GRIP1: variants seen among roughly 807,000 people sequenced by gnomAD.
The protein encoded by GRIP1 is glutamate receptor interacting protein 1.
In GRIP1, 45 loss-of-function variants were observed where a neutral mutation model predicts 129.9. The observed-to-expected ratio is 0.35, with a 90% CI of 0.27 to 0.44. The LOEUF (loss-of-function observed/expected upper bound fraction) is 0.44. Among genes scored for constraint, GRIP1 ranks in the 20% least tolerant of loss-of-function variants. GRIP1 has a pLI of 1.00. For missense variants in GRIP1, 1,196 were observed against 1,396.8 expected (o/e 0.86, Z 2.29); for synonymous variants, 530 against 520.8 (o/e 1.02, Z -0.24).
chr12:66,386,015 T>C (rs527969918), intron 19 of GRIP1, among the ~76,000 whole-genome samples: 30 of 152,342 alleles, frequency 2.0e-4, no homozygotes, highest in African/African-American at 7.2e-4. Context: ...GTATAAAATT[T>C]AGTCCAGATT....
chr12:66,577,775 T>C (rs966085712), intron 2 of GRIP1, among the ~76,000 whole-genome samples: 49 of 152,168 alleles, frequency 3.2e-4, no homozygotes, highest in African/African-American at 9.9e-4. Flanking sequence ...CATGGCAAGA[T>C]TGTGTACCTA....
At chr12:66,848,185 C>A (rs2039851362) in intron 1 of GRIP1, among the ~76,000 whole-genome samples, 1 of 151,984 alleles carries the variant, frequency 6.6e-6, no homozygotes, top group Non-Finnish European at 1.5e-5. Context: ...AATCTTTAAT[C>A]ATTTTTCCTC....
chr12:66,479,414 G>A (rs913589830), intron 7 of GRIP1, among the ~76,000 whole-genome samples: 3 of 152,144 alleles, frequency 2.0e-5, no homozygotes, highest in African/African-American at 7.2e-5. Context: ...TTCTGAAATT[G>A]AGGCAGTAAT....
At chr12:66,453,939 A>C (rs1016505413) in intron 11 of GRIP1, among the ~76,000 whole-genome samples, 1 of 152,224 alleles carries the variant, frequency 6.6e-6, no homozygotes, top group African/African-American at 2.4e-5. Context: ...TGTCAGCTAA[A>C]AAACACATGG....
chr12:66,798,751 C>T (rs12810082), intron 1 of GRIP1, among the ~76,000 whole-genome samples: 32,046 of 151,934 alleles, frequency 0.21, 4,284 homozygotes, highest in Non-Finnish European at 0.31. Flanking sequence ...AGAAAATCAC[C>T]TATGGTTTTT....
intron 1 of GRIP1, among the ~76,000 whole-genome samples, chr12:66,710,157 C>G (rs1052419141): frequency 1.3e-5 from 2 of 152,018 alleles, no homozygotes; most frequent in East Asian, 3.9e-4. Flanking sequence ...GAGTAACCCA[C>G]ACATAAGAAG....
chr12:66,547,574 C>T (rs376823221), intron 2 of GRIP1, among the ~76,000 whole-genome samples: 60 of 152,290 alleles, frequency 3.9e-4, no homozygotes, highest in African/African-American at 1.4e-3. Context: ...GTCTATACCA[C>T]GGAATACTTC....
chr12:66,456,998 C>T lies in GRIP1; in HGVS notation c.1043-656G>A, dbSNP rs965486903. Among the ~76,000 whole-genome samples the T allele has an allele frequency of 6.9e-4, 105 of 152,082 alleles. 1 individual carries two copies. The highest frequency in any genetic ancestry group is 2.5e-3 in the African/African-American group (104 of 41,414). On this transcript the variant is annotated intron_variant, in intron 9 of 24. Coordinates refer to ENST00000359742, the MANE Select transcript of GRIP1 (RefSeq NM_001366722.1). ...ATGATTTTTTGAAAAAGCATATTTA[C>T]ATTAGAAATAATTATTAAAATATTT...
At chr12:67,061,645 T>G (rs1006580173) in intron 1 of GRIP1, among the ~76,000 whole-genome samples, 1 of 152,192 alleles carries the variant, frequency 6.6e-6, no homozygotes, top group Non-Finnish European at 1.5e-5. Flanking sequence ...TAAAAACTCA[T>G]GTAAAATTCT....
At chr12:66,474,414 A>G (rs887589862) in intron 7 of GRIP1, among the ~76,000 whole-genome samples, 4 of 152,210 alleles carry the variant, frequency 2.6e-5, no homozygotes, top group Non-Finnish European at 5.9e-5. Flanking sequence ...TCAGGATATT[A>G]TCCAGTAGAA....
At chr12:66,394,695 C>CAT (rs1279754220) in intron 16 of GRIP1, among the ~76,000 whole-genome samples, 1 of 152,178 alleles carries the variant, frequency 6.6e-6, no homozygotes, top group Non-Finnish European at 1.5e-5. Flanking sequence ...GTGAAATAAA[C>CAT]ATATGGCTGA....
chr12:66,461,501 G>T (rs564217655), intron 9 of GRIP1, among the ~76,000 whole-genome samples: 2 of 152,182 alleles, frequency 1.3e-5, no homozygotes, highest in East Asian at 3.9e-4. Context: ...CCTTGTGAAC[G>T]GCACCTTCCT....
At chr12:66,827,387 T>TGTGTGTGTGAGAGGGAGA (rs755458052) in intron 1 of GRIP1, among the ~76,000 whole-genome samples, 1 of 108,226 alleles carries the variant, frequency 9.2e-6, no homozygotes, top group Non-Finnish European at 1.9e-5. Context: ...TGTGTGTGTG[T>TGTGTGTGTGAGAGGGAGA]GAGAGAGAGA....
chr12:66,601,696 T>C (rs1426632286), intron 1 of GRIP1, among the ~76,000 whole-genome samples: 4 of 152,128 alleles, frequency 2.6e-5, no homozygotes, highest in African/African-American at 7.2e-5. Context: ...AGTTAAACAT[T>C]ATGACCATTT....
At chr12:66,781,127 A>G (rs961190656) in intron 1 of GRIP1, among the ~76,000 whole-genome samples, 8 of 152,324 alleles carry the variant, frequency 5.3e-5, no homozygotes, top group African/African-American at 1.9e-4. Context: ...GTCTCGTGGT[A>G]ACATTTATAA....
chr12:66,377,894 C>T (rs371280211), intron 20 of GRIP1, among the ~76,000 whole-genome samples: 2 of 151,906 alleles, frequency 1.3e-5, no homozygotes, highest in African/African-American at 2.4e-5. Flanking sequence ...TGGGATGGAA[C>T]GTCGGAAATG....
intron 1 of GRIP1, among the ~76,000 whole-genome samples, chr12:66,850,041 TG>T (rs2039883367): frequency 6.6e-6 from 1 of 152,182 alleles, no homozygotes; most frequent in African/African-American, 2.4e-5. Flanking sequence ...CCCTTTTCCA[TG>T]TTTGACTTAT....
intron 16 of GRIP1, among the ~76,000 whole-genome samples, chr12:66,396,022 C>T (rs2056773574): frequency 6.6e-6 from 1 of 152,172 alleles, no homozygotes; most frequent in East Asian, 1.9e-4. Flanking sequence ...GAACAGAGTA[C>T]TATTGGATAG....
chr12:66,683,716 A>G (rs946479527), upstream of GRIP1, among the ~76,000 whole-genome samples: 1 of 152,218 alleles, frequency 6.6e-6, no homozygotes, highest in African/African-American at 2.4e-5. Flanking sequence ...CAAGGAAAGA[A>G]GGTTGCCTCC....
Sources: allele counts gnomAD v4.1 joint callset (sites outside exome capture counted in the v4.1 genomes callset), GRCh38; gene constraint gnomAD v4.1.1; transcripts MANE v1.5; gene names NCBI Gene and HGNC (gene_info 2026-07-23, HGNC 2026-07-21).